The following GREM2 variants were observed in gnomAD, a reference collection of about 807,000 sequenced individuals.
GREM2 encodes gremlin-2.
GREM2 carries 11 observed loss-of-function variants against 14.2 expected under a neutral mutation model. That is an observed-to-expected ratio of 0.78 (90% CI 0.49 to 1.28). GREM2 has a LOEUF of 1.28. GREM2 is among the 50% of genes most tolerant of loss of function. GREM2 has a pLI of 0.00. For missense variants in GREM2, 210 were observed against 218.5 expected (o/e 0.96, Z 0.24); for synonymous variants, 98 against 97.6 (o/e 1.00, Z -0.02).
In GREM2 at chr1:240,493,106, T is replaced by C; in HGVS notation, c.370A>G (p.Lys124Glu). ...EESFQSCAFCKPQRVTSVLVE... is the reference protein window; with the variant it reads ...EESFQSCAFCEPQRVTSVLVE... ...AGGACGGAGGTGACGCGCTGGGGCT[T>C]GCAGAAGGCGCAGGACTGGAAGGAC... Residue 124 changes from lysine (K) to glutamate (E), a missense_variant, in exon 2 of 2, where the codon AAG becomes GAG. By Grantham distance (56) the Lys-to-Glu change is moderately conservative. Coordinates refer to ENST00000318160, the MANE Select transcript of GREM2 (RefSeq NM_022469.4). 1 of 1,614,142 alleles carries C rather than the reference T, an allele frequency of 6.2e-7. No homozygotes were observed. The highest frequency in any genetic ancestry group is 8.5e-7 in the Non-Finnish European group (1 of 1,180,002).
intron 1 of GREM2, among the ~76,000 whole-genome samples, chr1:240,589,463 A>C (rs564257681): frequency 7.2e-6 from 1 of 139,242 alleles, no homozygotes; most frequent in East Asian, 1.9e-4. Context: ...AAAGAAAAAA[A>C]AGAAAAGAAA....
At chr1:240,548,740 A>G (rs1321068782) in intron 1 of GREM2, among the ~76,000 whole-genome samples, 1 of 152,104 alleles carries the variant, frequency 6.6e-6, no homozygotes, top group Admixed American at 6.6e-5. Context: ...CCTGAGGGAG[A>G]AATAAAAGGG....
rs1368484878 is a variant in GREM2, at chr1:240,540,797, G to A, written c.-1-47321C>T. 1.3e-5 allele frequency among the ~76,000 whole-genome samples: 2 copies of A among 152,058 alleles called. No individual in the cohort carries two copies. Among genetic ancestry groups the A allele is most frequent in the Non-Finnish European group, 1.5e-5 (1 of 68,008 alleles). ...AGGGTGGTCTTGATCTACTGACCTC[G>A]TGATCTGCCTGCCTCGGCCTCCCAA... On this transcript the variant is annotated intron_variant, in intron 1 of 1. Transcript: ENST00000318160. The surrounding 1 kb of genome is among the most constrained non-coding windows in gnomAD (Gnocchi z 4.2).
chr1:240,569,795 T>C (rs1165679838), intron 1 of GREM2, among the ~76,000 whole-genome samples: 1 of 152,218 alleles, frequency 6.6e-6, no homozygotes, highest in Non-Finnish European at 1.5e-5. Flanking sequence ...AGATTTCTTA[T>C]ATATGACACC....
intron 1 of GREM2, among the ~76,000 whole-genome samples, chr1:240,520,970 T>C (rs1181928195): frequency 6.6e-6 from 1 of 152,032 alleles, no homozygotes; most frequent in African/African-American, 2.4e-5. Flanking sequence ...AAATTTAGCT[T>C]AGAACCAACA....
At position 240,489,621 on chromosome 1, in the gene GREM2, T is replaced by C. The variant is rs1266208824; in HGVS notation, c.*3348A>G. ...AGGCATTCTTTATTCCTTTACTTTC[T>C]TAATAAACTTGCTTTCACTTAAAAA... On this transcript the variant is annotated 3_prime_UTR_variant, in exon 2 of 2. Coordinates refer to ENST00000318160, the MANE Select transcript of GREM2 (RefSeq NM_022469.4). 6.6e-6 allele frequency: 1 copy of C among 152,262 alleles called. No homozygotes were observed. The highest frequency in any genetic ancestry group is 1.5e-5 in the Non-Finnish European group (1 of 68,048). 9.4% of individuals were successfully genotyped at this position (152,262 alleles called of 1,614,324 possible).
chr1:240,535,440 GA>G (rs1488859911), intron 1 of GREM2, among the ~76,000 whole-genome samples: 5 of 152,096 alleles, frequency 3.3e-5, no homozygotes, highest in African/African-American at 4.8e-5. Flanking sequence ...GAGAGATTGT[GA>G]AAAAAAATTT....
chr1:240,562,087 T>C (rs1679051216), intron 1 of GREM2, among the ~76,000 whole-genome samples: 1 of 152,202 alleles, frequency 6.6e-6, no homozygotes, highest in Admixed American at 6.5e-5. Context: ...TAAAATACCA[T>C]GCTTCTTCTG....
intron 1 of GREM2, among the ~76,000 whole-genome samples, chr1:240,535,998 C>T (rs1678462503): frequency 6.6e-6 from 1 of 151,986 alleles, no homozygotes; most frequent in Non-Finnish European, 1.5e-5. Context: ...AGTTTGGGAA[C>T]ACGTAGGACC....
intron 1 of GREM2, among the ~76,000 whole-genome samples, chr1:240,575,843 C>T (rs934498746): frequency 4.1e-5 from 6 of 147,756 alleles, no homozygotes; most frequent in African/African-American, 7.6e-5. Flanking sequence ...TTTAACAAAG[C>T]TTACATAGAA....
intron 1 of GREM2, among the ~76,000 whole-genome samples, chr1:240,597,603 G>A (rs1179997397): frequency 2.0e-5 from 3 of 152,134 alleles, no homozygotes; most frequent in Non-Finnish European, 4.4e-5. Context: ...CTAGTGACCT[G>A]GGAGCTGCTG....
intron 1 of GREM2, among the ~76,000 whole-genome samples, chr1:240,555,265 C>T (rs1678932922): frequency 6.6e-6 from 1 of 152,206 alleles, no homozygotes; most frequent in African/African-American, 2.4e-5. Flanking sequence ...GCTTTTATTA[C>T]TGACTAATTA....
chr1:240,497,052 T>C (rs1439961945), intron 1 of GREM2, among the ~76,000 whole-genome samples: 1 of 151,704 alleles, frequency 6.6e-6, no homozygotes, highest in Admixed American at 6.6e-5. Context: ...GAAATATGGA[T>C]ACTATACAGG....
At chr1:240,544,494 G>A (rs982320904) in intron 1 of GREM2, among the ~76,000 whole-genome samples, 1 of 152,102 alleles carries the variant, frequency 6.6e-6, no homozygotes, top group Non-Finnish European at 1.5e-5. Flanking sequence ...ACTGATTTTG[G>A]TATCATTGAG....
intron 1 of GREM2, among the ~76,000 whole-genome samples, chr1:240,568,718 A>C (rs1010995384): frequency 2.6e-5 from 4 of 152,218 alleles, no homozygotes; most frequent in Non-Finnish European, 5.9e-5. Flanking sequence ...TGAAGAATTA[A>C]CACATTGTCT....
At chr1:240,535,282 A>G (rs1678449865) in intron 1 of GREM2, among the ~76,000 whole-genome samples, 1 of 152,150 alleles carries the variant, frequency 6.6e-6, no homozygotes, top group African/African-American at 2.4e-5. Flanking sequence ...ACTTAAAGAG[A>G]TTATGCAACT....
intron 1 of GREM2, among the ~76,000 whole-genome samples, chr1:240,580,055 C>T (rs981823495): frequency 1.3e-5 from 2 of 152,094 alleles, no homozygotes; most frequent in African/African-American, 4.8e-5. Flanking sequence ...TTAGACTCCG[C>T]TTCTGGATGC....
chr1:240,586,420 T>G (rs1679600310), intron 1 of GREM2, among the ~76,000 whole-genome samples: 1 of 152,220 alleles, frequency 6.6e-6, no homozygotes, highest in Non-Finnish European at 1.5e-5. Context: ...GAGAGACTTC[T>G]CACTGAGTGA....
intron 1 of GREM2, among the ~76,000 whole-genome samples, chr1:240,575,614 G>A (rs946369911): frequency 4.0e-5 from 6 of 151,426 alleles, no homozygotes; most frequent in African/African-American, 1.5e-4. Context: ...TCCGCCTCCC[G>A]GGTTCAAGCG....
Sources: gnomAD v4.1 joint callset for allele counts (sites outside exome capture counted in the v4.1 genomes callset) on GRCh38, gnomAD v4.1.1 for gene constraint, Gnocchi (gnomAD v3.1) non-coding constraint, MANE v1.5 for transcripts, NCBI Gene and HGNC (gene_info 2026-07-23, HGNC 2026-07-21) for gene names.